Variants in MGA observed in about 807,000 individuals in gnomAD.
MGA encodes the protein MAX gene-associated protein.
In MGA, 40 loss-of-function variants were observed where a neutral mutation model predicts 261.1. The ratio of observed to expected loss-of-function variants is 0.15; its 90% CI spans 0.12 to 0.20. The LOEUF (loss-of-function observed/expected upper bound fraction) is 0.20. MGA is among the 10% of genes least tolerant of loss of function. The pLI is 1.00. For synonymous variants in MGA, 1,302 were observed against 1,290.6 expected (o/e 1.01, Z -0.19); for missense variants, 3,397 against 3,630.5 (o/e 0.94, Z 1.65).
intron 14 of MGA, among the ~76,000 whole-genome samples, chr15:41,741,346 C>CAAAAAAAA (rs11389766): frequency 2.8e-5 from 2 of 72,312 alleles, no homozygotes; most frequent in African/African-American, 5.8e-5. Flanking sequence ...ACTCCATCTC[C>CAAAAAAAA]AAAAAAAAAA....
At chr15:41,647,249 T>C (rs1489231844) in intron 1 of MGA, among the ~76,000 whole-genome samples, 2 of 152,216 alleles carry the variant, frequency 1.3e-5, no homozygotes, top group Non-Finnish European at 2.9e-5. Context: ...GCAAGCTCAT[T>C]CGTAGATTCT....
intron 1 of MGA, among the ~76,000 whole-genome samples, chr15:41,633,512 A>C (rs1431239205): frequency 2.0e-5 from 3 of 152,098 alleles, no homozygotes; most frequent in Non-Finnish European, 4.4e-5. Flanking sequence ...GTGATGTTAC[A>C]GAAAAAAATA....
intron 8 of MGA, among the ~76,000 whole-genome samples, chr15:41,712,421 T>C (rs927454238): frequency 1.3e-5 from 2 of 152,250 alleles, no homozygotes; most frequent in Admixed American, 1.3e-4. Context: ...TTTTGCCATG[T>C]TATCCAGGCT....
At chr15:41,656,397 A>G (rs139082438), upstream of MGA, among the ~76,000 whole-genome samples, 35 of 97,278 alleles carry the variant, frequency 3.6e-4, no homozygotes, top group East Asian at 0.01. Flanking sequence ...GCTGGAGTGC[A>G]GTGGCATGAT....
chr15:41,647,540 C>T (rs987583758), intron 1 of MGA, among the ~76,000 whole-genome samples: 3 of 152,122 alleles, frequency 2.0e-5, no homozygotes, highest in Admixed American at 1.3e-4. Flanking sequence ...GACATTCTCC[C>T]TCCTTAGCTT....
intron 9 of MGA, among the ~76,000 whole-genome samples, chr15:41,716,697 T>C (rs1400745401): frequency 1.3e-5 from 2 of 152,140 alleles, no homozygotes; most frequent in Non-Finnish European, 2.9e-5. Context: ...TTTAGAATGA[T>C]TGAGTGTAAC....
intron 17 of MGA, among the ~76,000 whole-genome samples, chr15:41,752,792 A>G (rs1472340650): frequency 6.6e-6 from 1 of 152,060 alleles, no homozygotes; most frequent in African/African-American, 2.4e-5. Context: ...TCCTGACCTC[A>G]GGTGATCCAC....
chr15:41,753,083 TC>T (rs1437845275), intron 17 of MGA, among the ~76,000 whole-genome samples: 1 of 152,198 alleles, frequency 6.6e-6, no homozygotes, highest in Non-Finnish European at 1.5e-5. Context: ...ATTTAAATCT[TC>T]CTTGTGGAAG....
In MGA at chr15:41,698,838, ATT is replaced by A. The variant is rs563747871; in HGVS notation, c.2014-11_2014-10del. The A allele has an allele frequency of 0.028, 34,574 of 1,246,306 alleles. No homozygotes were observed. Among genetic ancestry groups the A allele is most frequent in the South Asian group, 0.044 (2,821 of 63,768 alleles). 77.2% of individuals were successfully genotyped at this position (1,246,306 alleles called of 1,614,324 possible). A position where few individuals can be genotyped will look rare whatever the true frequency, so the allele number is the denominator to read the frequency against. On this transcript the variant is annotated intron_variant, in intron 3 of 23. Coordinates refer to ENST00000219905, the MANE Select transcript of MGA (RefSeq NM_001164273.2). The stretch of plus-strand genomic sequence containing the variant: ...GTTTTCAGAAGCAATATGAACTACT[ATT>A]TTTTTTTTTTTTTGATGTATAGGAA...
chr15:41,759,179 C>G (rs914104364), intron 19 of MGA, among the ~76,000 whole-genome samples: 1 of 151,970 alleles, frequency 6.6e-6, no homozygotes, highest in East Asian at 1.9e-4. Flanking sequence ...AGTAGAACAG[C>G]TAAAAGTAGT....
chr15:41,687,981 G>A (rs1011713692), intron 2 of MGA, among the ~76,000 whole-genome samples: 1 of 152,070 alleles, frequency 6.6e-6, no homozygotes, highest in Non-Finnish European at 1.5e-5. Context: ...ATACTTTGAA[G>A]CTAATATATG....
In MGA at chr15:41,748,613, A is replaced by G. The variant is rs754232013; in HGVS notation, c.5213-24A>G. ...TGTGTTAAAGGGGAATTTGGGTACC[A>G]TGTTTCCATTTCCTGTTTTTCAGAA... On this transcript the variant is annotated intron_variant, in intron 15 of 23. Transcript: ENST00000219905. 29 of 1,602,498 alleles carry G rather than the reference A, an allele frequency of 1.8e-5. 1 individual carries two copies. In the South Asian group the frequency reaches 2.4e-4, roughly 14 times the overall value.
chr15:41,756,397 A>G (rs1475322510), intron 18 of MGA, among the ~76,000 whole-genome samples: 1 of 152,202 alleles, frequency 6.6e-6, no homozygotes, highest in African/African-American at 2.4e-5. Context: ...AGACTTCAAA[A>G]GTGGAGATTT....
At position 41,748,755 on chromosome 15, in the gene MGA, C is replaced by G. The variant is rs2062657713; in HGVS notation, c.5331C>G (p.Val1777=). ...AGGGTTCTCCTACTCTTAGACCTGT[C>G]TCAAACACACAACTTCAGGGACATC... The change falls in exon 16 of 24, where the codon GTC becomes GTG. Residue 1777 remains valine, a synonymous_variant. Transcript: ENST00000219905. The G allele has an allele frequency of 6.2e-7, 1 of 1,613,790 alleles. No individual in the cohort carries two copies.
At chr15:41,762,417 G>A in intron 22 of MGA, 55 bp downstream of exon 22, 1 of 1,174,282 alleles carries the variant, frequency 8.5e-7, no homozygotes, top group Non-Finnish European at 1.2e-6. Context: ...GTTGACTTTA[G>A]TGGACTGACC....
chr15:41,701,681 TAGA>T (rs1172625001), intron 5 of MGA, among the ~76,000 whole-genome samples: 1 of 152,176 alleles, frequency 6.6e-6, no homozygotes, highest in Non-Finnish European at 1.5e-5. Flanking sequence ...CATAGTTCAG[TAGA>T]AGCTGGAGTG....
intron 1 of MGA, among the ~76,000 whole-genome samples, chr15:41,625,283 A>T (rs2056421071): frequency 6.6e-6 from 1 of 152,082 alleles, no homozygotes; most frequent in African/African-American, 2.4e-5. Flanking sequence ...AGACAAATTT[A>T]TTTATTTAGT....
chr15:41,647,705 C>T (rs2056961594), intron 1 of MGA, among the ~76,000 whole-genome samples: 1 of 152,038 alleles, frequency 6.6e-6, no homozygotes, highest in African/African-American at 2.4e-5. Context: ...CTTTTTCAAA[C>T]CCCTGGCTTT....
Position 41,635,187 on chromosome 15 carries a change from G to A in MGA, c.-68+13889G>A, listed in dbSNP as rs145830405. ...CATCTCTACTAAAAATACAAAAATT[G>A]GCCGGGTGTGGTGGCGTGCACCTGT... On this transcript the variant is annotated intron_variant, in intron 1 of 8. Coordinates refer to the MGA transcript ENST00000566718. 5.0e-3 allele frequency among the ~76,000 whole-genome samples: 762 copies of A among 151,932 alleles called. 2 individuals carry two copies. The highest frequency in any genetic ancestry group is 7.8e-3 in the Admixed American group (119 of 15,250).
Sources: allele counts gnomAD v4.1 joint callset (sites outside exome capture counted in the v4.1 genomes callset), GRCh38; gene constraint gnomAD v4.1.1; transcripts MANE v1.5; gene names NCBI Gene and HGNC (gene_info 2026-07-23, HGNC 2026-07-21).